The following TYW1B variants were observed in gnomAD, a reference collection of about 807,000 sequenced individuals.
The protein encoded by TYW1B is S-adenosyl-L-methionine-dependent tRNA 4-demethylwyosine synthase TYW1B.
TYW1B carries 73 observed loss-of-function variants against 86.9 expected under a neutral mutation model. The observed-to-expected ratio is 0.84, with a 90% CI of 0.70 to 1.02. TYW1B has a LOEUF of 1.02. Ranked by LOEUF, TYW1B falls within the 50% of genes least tolerant of loss-of-function variation. The pLI is 0.00. For missense variants in TYW1B, 637 were observed against 827.4 expected (o/e 0.77, Z 2.82); for synonymous variants, 248 against 292.8 (o/e 0.85, Z 1.56).
intron 9 of TYW1B, among the ~76,000 whole-genome samples, chr7:72,718,906 T>C (rs1366573841): frequency 6.6e-6 from 1 of 152,076 alleles, no homozygotes; most frequent in Middle Eastern, 3.2e-3. Flanking sequence ...TGCACCGGGT[T>C]CACACTCTAG....
intron 11 of TYW1B, among the ~76,000 whole-genome samples, chr7:72,650,565 G>T (rs1554442646): frequency 6.6e-6 from 1 of 152,010 alleles, no homozygotes; most frequent in African/African-American, 2.4e-5. Flanking sequence ...TGGACACATG[G>T]TCAAATAAGT....
chr7:72,703,257 C>T (rs1457737609), intron 10 of TYW1B, among the ~76,000 whole-genome samples: 2 of 151,256 alleles, frequency 1.3e-5, no homozygotes, highest in Admixed American at 6.6e-5. Context: ...ATCTCCTGAC[C>T]TCATGATCTG....
At chr7:72,591,653 T>C (rs1554431452) in intron 13 of TYW1B, among the ~76,000 whole-genome samples, 2 of 152,126 alleles carry the variant, frequency 1.3e-5, no homozygotes, top group Admixed American at 1.3e-4. Context: ...CTCTACTAGA[T>C]CTTCCCTGTA....
At chr7:72,592,161 A>T (rs4717050) in intron 13 of TYW1B, among the ~76,000 whole-genome samples, 7,743 of 72,260 alleles carry the variant, frequency 0.11, 276 homozygotes, top group East Asian at 0.37. Flanking sequence ...CTAATGTGTT[A>T]AAAAAAAAAA....
intron 12 of TYW1B, among the ~76,000 whole-genome samples, chr7:72,622,835 A>G (rs1469058079): frequency 6.6e-6 from 1 of 151,910 alleles, no homozygotes; most frequent in African/African-American, 2.4e-5. Context: ...ACACAAACAC[A>G]CCACACAAAC....
intron 11 of TYW1B, among the ~76,000 whole-genome samples, chr7:72,654,316 CA>C (rs1162773127): frequency 2.0e-5 from 3 of 152,056 alleles, no homozygotes; most frequent in Non-Finnish European, 4.4e-5. Flanking sequence ...GTCTTCTCCC[CA>C]AAACACATAA....
intron 11 of TYW1B, among the ~76,000 whole-genome samples, chr7:72,676,720 G>A (rs1287565159): frequency 6.6e-6 from 1 of 152,204 alleles, no homozygotes; most frequent in Non-Finnish European, 1.5e-5. Flanking sequence ...AGCACTTTGG[G>A]AGGCCGAGGC....
At chr7:72,624,183 C>T (rs183711970) in intron 12 of TYW1B, among the ~76,000 whole-genome samples, 223 of 152,306 alleles carry the variant, frequency 1.5e-3, no homozygotes, top group African/African-American at 4.8e-3. Flanking sequence ...TATTTTCAGA[C>T]ATTCTGTAGT....
chr7:72,726,361 A>ATTT (rs1554458727), intron 9 of TYW1B, among the ~76,000 whole-genome samples: 2 of 146,328 alleles, frequency 1.4e-5, no homozygotes, highest in Admixed American at 6.8e-5. Flanking sequence ...TTATTGACTA[A>ATTT]TTTTTTTTGT....
At chr7:72,807,865 T>C (rs1341660485) in intron 4 of TYW1B, among the ~76,000 whole-genome samples, 1 of 152,068 alleles carries the variant, frequency 6.6e-6, no homozygotes, top group Non-Finnish European at 1.5e-5. Context: ...TAGTTAAGAG[T>C]TCAAAAACTT....
At chr7:72,701,875 G>A (rs1814484638) in intron 10 of TYW1B, among the ~76,000 whole-genome samples, 1 of 152,102 alleles carries the variant, frequency 6.6e-6, no homozygotes, top group Non-Finnish European at 1.5e-5. Context: ...TTTTGTTAGG[G>A]AATGTTCTCA....
intron 11 of TYW1B, among the ~76,000 whole-genome samples, chr7:72,667,769 G>A (rs377615347): frequency 7.9e-5 from 12 of 152,124 alleles, no homozygotes; most frequent in African/African-American, 2.9e-4. Context: ...ACACAAAGAG[G>A]TGACCTGTAG....
At chr7:72,671,405 T>A (rs1813598008) in intron 11 of TYW1B, among the ~76,000 whole-genome samples, 1 of 152,228 alleles carries the variant, frequency 6.6e-6, no homozygotes, top group South Asian at 2.1e-4. Flanking sequence ...TTGCTTCTAA[T>A]CTTCTGCTAT....
intron 9 of TYW1B, among the ~76,000 whole-genome samples, chr7:72,728,089 C>G (rs1209598712): frequency 6.6e-6 from 1 of 152,066 alleles, no homozygotes; most frequent in Non-Finnish European, 1.5e-5. Flanking sequence ...TATTATCCCT[C>G]CTTTTTTTTA....
At chr7:72,666,963 C>T (rs1554445391) in intron 11 of TYW1B, among the ~76,000 whole-genome samples, 2 of 132,116 alleles carry the variant, frequency 1.5e-5, no homozygotes, top group Admixed American at 9.0e-5. Context: ...ACCTGGGAGG[C>T]GGAGCTTGCA....
chr7:72,574,966 A>C lies in TYW1B; in HGVS notation c.*532T>G, dbSNP rs1554428177. ...ACTCAATCTATGCAGTATTTAAAAA[A>C]TAATTGAGAGTTGTGACAACTTCGA... On this transcript the variant is annotated 3_prime_UTR_variant, in exon 14 of 14. Coordinates refer to ENST00000620995, the MANE Select transcript of TYW1B (RefSeq NM_001145440.3). 1.0e-6 allele frequency: 1 copy of C among 988,004 alleles called. No individual in the cohort carries two copies. Among genetic ancestry groups the C allele is most frequent in the Admixed American group, 5.9e-5 (1 of 16,866 alleles). 61.2% of individuals were successfully genotyped at this position (988,004 alleles called of 1,614,324 possible).
At chr7:72,710,034 T>C (rs1786608576) in intron 10 of TYW1B, among the ~76,000 whole-genome samples, 1 of 152,128 alleles carries the variant, frequency 6.6e-6, no homozygotes, top group South Asian at 2.1e-4. Context: ...CTCGATAACA[T>C]CTAACAAATG....
At chr7:72,690,221 A>C (rs1319815621) in intron 11 of TYW1B, among the ~76,000 whole-genome samples, 1 of 152,260 alleles carries the variant, frequency 6.6e-6, no homozygotes, top group Non-Finnish European at 1.5e-5. Flanking sequence ...AGTTCAGCAG[A>C]AACACATCTG....
At chr7:72,674,761 T>C (rs1343139763) in intron 11 of TYW1B, among the ~76,000 whole-genome samples, 29 of 145,154 alleles carry the variant, frequency 2.0e-4, no homozygotes, top group South Asian at 4.3e-4. Flanking sequence ...TTTTCTCTCT[T>C]TTTTTTTTTT....
Sources: gnomAD v4.1 joint callset for allele counts (sites outside exome capture counted in the v4.1 genomes callset) on GRCh38, gnomAD v4.1.1 for gene constraint, MANE v1.5 for transcripts, NCBI Gene and HGNC (gene_info 2026-07-23, HGNC 2026-07-21) for gene names.